Variants in MMEL1 observed in about 807,000 individuals in gnomAD.
MMEL1 encodes the protein membrane metallo-endopeptidase-like 1.
MMEL1 carries 98 observed loss-of-function variants against 117.1 expected under a neutral mutation model. The observed-to-expected ratio is 0.84, with a 90% CI of 0.71 to 0.99. The LOEUF is 0.99. Among genes scored for constraint, MMEL1 ranks in the 50% least tolerant of loss-of-function variants. The probability of loss-of-function intolerance (pLI) is 0.00; values close to 1 mark genes in which losing one functional copy is unlikely to be tolerated. For missense variants in MMEL1, 1,014 were observed against 1,049.1 expected (o/e 0.97, Z 0.46); for synonymous variants, 390 against 415.1 (o/e 0.94, Z 0.74).
chr1:2,621,794 T>G (rs183681066), intron 2 of MMEL1, among the ~76,000 whole-genome samples: 8 of 152,272 alleles, frequency 5.3e-5, no homozygotes, highest in Non-Finnish European at 1.5e-5. Context: ...GCTCCCGACT[T>G]CAGGTGATCC....
At chr1:2,594,240 G>A (rs530686170) in intron 18 of MMEL1, 145 bp downstream of exon 18, 5 of 970,746 alleles carry the variant, frequency 5.2e-6, no homozygotes, top group East Asian at 5.2e-5. Flanking sequence ...TGTTCCCCAC[G>A]GGGGCAGCAA....
At chr1:2,596,266 T>A (rs1181763583) in intron 14 of MMEL1, among the ~76,000 whole-genome samples, 159 bp from the exon 15 acceptor site, 1 of 151,854 alleles carries the variant, frequency 6.6e-6, no homozygotes, top group Non-Finnish European at 1.5e-5. Context: ...GGTGGGGGGA[T>A]GAGATGACAA....
At chr1:2,627,534 T>C (rs1421671833) in intron 2 of MMEL1, among the ~76,000 whole-genome samples, 1 of 152,166 alleles carries the variant, frequency 6.6e-6, no homozygotes, top group Admixed American at 6.5e-5. Context: ...ATCGATCAAG[T>C]GTTAGCCCCA....
intron 9 of MMEL1, 53 bp from the exon 10 acceptor site, chr1:2,604,334 C>T (rs1644987189): frequency 6.3e-7 from 1 of 1,597,868 alleles, no homozygotes; most frequent in Non-Finnish European, 8.5e-7. Context: ...CCATGGCCCC[C>T]AGGGAGTTTT....
chr1:2,613,331 C>T (rs1234833350), intron 2 of MMEL1, among the ~76,000 whole-genome samples: 2 of 152,162 alleles, frequency 1.3e-5, no homozygotes, highest in African/African-American at 4.8e-5. Flanking sequence ...GTGGTGTTTG[C>T]CAATTGCAGT....
chr1:2,591,009 TC>T lies in MMEL1; in HGVS notation c.2320del (p.Glu774SerfsTer55). On this transcript the variant is annotated frameshift_variant, in exon 24 of 24. Transcript: ENST00000378412. LOFTEE classifies it high-confidence loss of function. ...CARGTPMHPKERCRVW is the reference protein window; with the variant it reads ...CARGTPMHPKXRCRVW ...CCTTGGCTACCACACGCGGCATCGC[TC>T]CTTGGGGTGCATGGGGGTGCCCCGG... 1 of 1,600,304 alleles carries T rather than the reference TC, an allele frequency of 6.2e-7. No homozygotes were observed. The highest frequency in any genetic ancestry group is 8.5e-7 in the Non-Finnish European group (1 of 1,174,966).
intron 2 of MMEL1, among the ~76,000 whole-genome samples, chr1:2,628,909 C>T (rs1375925933): frequency 2.0e-5 from 3 of 151,334 alleles, no homozygotes; most frequent in Non-Finnish European, 4.4e-5. Context: ...GCCAGGTGAG[C>T]CCGGGCGGCG....
At chr1:2,601,523 A>G (rs917024101) in intron 11 of MMEL1, among the ~76,000 whole-genome samples, 1 of 152,206 alleles carries the variant, frequency 6.6e-6, no homozygotes, top group Admixed American at 6.5e-5. Flanking sequence ...GAACACAAAG[A>G]ATACTAACCA....
chr1:2,591,675 G>C (rs1387299688), intron 22 of MMEL1, 42 bp from the exon 23 acceptor site: 1 of 1,523,554 alleles, frequency 6.6e-7, no homozygotes, highest in South Asian at 1.1e-5. Flanking sequence ...GGCGTGGTGG[G>C]GTGGCCAGGA....
chr1:2,604,765 T>C (rs1340834525), intron 9 of MMEL1, among the ~76,000 whole-genome samples: 4 of 152,174 alleles, frequency 2.6e-5, no homozygotes, highest in East Asian at 3.9e-4. Flanking sequence ...TTCCTCGCGC[T>C]GGGCAGGGCT....
chr1:2,591,186 G>T, intron 23 of MMEL1, 97 bp from the exon 24 acceptor site: 1 of 781,798 alleles, frequency 1.3e-6, no homozygotes, highest in Non-Finnish European at 2.0e-6. Context: ...CAAAACATCA[G>T]CCTAATGGCT....
intron 1 of MMEL1, 34 bp from the exon 2 acceptor site, chr1:2,629,555 G>A: frequency 7.2e-7 from 1 of 1,383,238 alleles, no homozygotes; most frequent in Non-Finnish European, 9.3e-7. Context: ...GGGGAGAGGG[G>A]CGTGGAGCTC....
chr1:2,597,121 C>G (rs1644855411), intron 13 of MMEL1, among the ~76,000 whole-genome samples: 1 of 152,060 alleles, frequency 6.6e-6, no homozygotes, highest in Non-Finnish European at 1.5e-5. Flanking sequence ...GTGAGAACAC[C>G]TGCTCATCTG....
chr1:2,616,787 G>A (rs1645207887), intron 2 of MMEL1, among the ~76,000 whole-genome samples: 1 of 152,166 alleles, frequency 6.6e-6, no homozygotes, highest in African/African-American at 2.4e-5. Context: ...GAACAAATTA[G>A]GACAACTGAA....
intron 1 of MMEL1, among the ~76,000 whole-genome samples, chr1:2,630,632 TG>T (rs1638509880): frequency 1.3e-5 from 2 of 151,376 alleles, no homozygotes; most frequent in Non-Finnish European, 2.9e-5. Context: ...CGTGTGTGCC[TG>T]TGCTCGCGTG....
At chr1:2,594,767 G>T (rs1644804962) in intron 17 of MMEL1, 23 bp downstream of exon 17, 3 of 1,570,792 alleles carry the variant, frequency 1.9e-6, no homozygotes, top group Non-Finnish European at 2.6e-6. Flanking sequence ...CCCCGCCCAT[G>T]CCGCACCAGC....
chr1:2,623,111 G>C (rs975315221), intron 2 of MMEL1, among the ~76,000 whole-genome samples: 96 of 151,868 alleles, frequency 6.3e-4, no homozygotes, highest in Non-Finnish European at 1.1e-3. Flanking sequence ...AGAGGTTGCA[G>C]TGAGCCGAGA....
In MMEL1 at chr1:2,595,539, T is replaced by TG. The variant is rs1644821358; in HGVS notation, c.1501-181dup. On this transcript the variant is annotated intron_variant, in intron 15 of 23. Transcript: ENST00000378412. The surrounding 1 kb of genome is among the most constrained non-coding windows in gnomAD (Gnocchi z 4.8). ...GATCTGGCCCCCACCTTGCAGGCTC[T>TG]GGGGAGGTTTAATGGGGACAGAATA... 2.0e-5 allele frequency among the ~76,000 whole-genome samples: 3 copies of TG among 152,102 alleles called. No individual in the cohort carries two copies. Among genetic ancestry groups the TG allele is most frequent in the Admixed American group, 2.0e-4 (3 of 15,276 alleles).
rs1644824930 is a variant in MMEL1, at chr1:2,595,695, C to T, written c.1500+314G>A. The stretch of plus-strand genomic sequence containing the variant: ...CAGAGGAGCTTCTGGTGGGTCTGAC[C>T]CTTGCTCCCGAGGCCACCGCTACCC... On this transcript the variant is annotated intron_variant, in intron 15 of 23. Transcript: ENST00000378412. This position sits in a 1 kb window ranked among gnomAD's most constrained non-coding sequence, Gnocchi z 4.8. Among the ~76,000 whole-genome samples, 1 of 152,074 alleles carries T rather than the reference C, an allele frequency of 6.6e-6. No individual in the cohort carries two copies. Among genetic ancestry groups the T allele is most frequent in the African/African-American group, 2.4e-5 (1 of 41,396 alleles).
Sources: allele counts gnomAD v4.1 joint callset (sites outside exome capture counted in the v4.1 genomes callset), GRCh38; gene constraint gnomAD v4.1.1; non-coding constraint Gnocchi (gnomAD v3.1); transcripts MANE v1.5; gene names NCBI Gene and HGNC (gene_info 2026-07-23, HGNC 2026-07-21).